The following TANGO2 variants were observed in gnomAD, a reference collection of about 807,000 sequenced individuals.
The protein encoded by TANGO2 is transport and golgi organization 2 homolog, also known as transport and Golgi organization protein 2 homolog.
TANGO2 carries 26 observed loss-of-function variants against 39.1 expected under a neutral mutation model. The ratio of observed to expected loss-of-function variants is 0.67; its 90% CI spans 0.49 to 0.92. The LOEUF is 0.92. Ranked by LOEUF, TANGO2 falls within the 40% of genes least tolerant of loss-of-function variation. The probability of loss-of-function intolerance (pLI) is 0.00; values close to 1 mark genes in which losing one functional copy is unlikely to be tolerated. For synonymous variants in TANGO2, 131 were observed against 144.5 expected (o/e 0.91, Z 0.67); for missense variants, 326 against 360.1 (o/e 0.91, Z 0.77).
chr22:20,064,531 C>T lies in TANGO2; in HGVS notation c.711-11C>T, dbSNP rs201850506. 1 of 1,614,012 alleles carries T rather than the reference C, an allele frequency of 6.2e-7. No homozygotes were observed. The highest frequency in any genetic ancestry group is 8.5e-7 in the Non-Finnish European group (1 of 1,179,942). Reference sequence around the variant, plus strand: ...GACACCAGGTGAACGAGGGCCCCTGCTCTCTTTCAGAACCAACACTATCAT... The same window carrying T: ...GACACCAGGTGAACGAGGGCCCCTGTTCTCTTTCAGAACCAACACTATCAT... On this transcript the variant is annotated splice_polypyrimidine_tract_variant and intron_variant, in intron 8 of 8. Coordinates refer to ENST00000327374, the MANE Select transcript of TANGO2 (RefSeq NM_152906.7).
chr22:20,037,607 G>A (rs1295379610), intron 2 of TANGO2, among the ~76,000 whole-genome samples: 1 of 152,224 alleles, frequency 6.6e-6, no homozygotes, highest in Non-Finnish European at 1.5e-5. Flanking sequence ...TCAAGGCTGA[G>A]TGAAGTCATT....
At chr22:20,055,175 G>A (rs1403378785) in intron 5 of TANGO2, 2 of 152,298 alleles carry the variant, frequency 1.3e-5, no homozygotes, top group Non-Finnish European at 2.9e-5. Context: ...AGGCCACAAA[G>A]AGATCCTCTT....
At chr22:20,037,218 AGCT>A in intron 2 of TANGO2, 1 of 1,153,728 alleles carries the variant, frequency 8.7e-7, no homozygotes, top group Non-Finnish European at 1.2e-6. Flanking sequence ...GGCGGGTCAC[AGCT>A]GCTGGTGAGA....
intron 2 of TANGO2, among the ~76,000 whole-genome samples, chr22:20,042,355 T>A (rs374225): frequency 2.0e-5 from 3 of 151,926 alleles, no homozygotes; most frequent in African/African-American, 7.3e-5. Flanking sequence ...ACTCAGTCAC[T>A]GCTGTGTCCT....
intron 6 of TANGO2, 127 bp downstream of exon 6, chr22:20,056,140 C>G: frequency 1.2e-6 from 1 of 807,382 alleles, no homozygotes; most frequent in Non-Finnish European, 2.1e-6. Flanking sequence ...CATTTAAGTG[C>G]CTTATGGTCT....
At position 20,056,019 on chromosome 22, in the gene TANGO2, C is replaced by T. The variant is rs370402212; in HGVS notation, c.451+6C>T. ...TCCTATCGTTTTGACGCCAGGTGAGCCTGCCCTGGCAGCCTGATGGGGTGG... is the reference window on the plus strand; with the variant it reads ...TCCTATCGTTTTGACGCCAGGTGAGTCTGCCCTGGCAGCCTGATGGGGTGG... On this transcript the variant is annotated splice_donor_region_variant and intron_variant, in intron 6 of 8. Transcript: ENST00000327374. The T allele has an allele frequency of 1.6e-5, 26 of 1,611,658 alleles. No homozygotes were observed. Among genetic ancestry groups the T allele is most frequent in the Non-Finnish European group, 2.1e-5 (25 of 1,177,832 alleles).
chr22:20,026,917 A>G (rs550919208), intron 1 of TANGO2, among the ~76,000 whole-genome samples: 5 of 152,280 alleles, frequency 3.3e-5, no homozygotes, highest in East Asian at 1.9e-4. Context: ...TCTTGCGTCT[A>G]TCCTAGGAAT....
chr22:20,040,153 T>C lies in TANGO2; in HGVS notation c.57-3202T>C, dbSNP rs1012707250. Among the ~76,000 whole-genome samples, 4 of 152,118 alleles carry C rather than the reference T, an allele frequency of 2.6e-5. No homozygotes were observed. The South Asian group carries it at 8.3e-4, about 32-fold the overall frequency. On this transcript the variant is annotated intron_variant, in intron 2 of 8. Coordinates refer to ENST00000327374, the MANE Select transcript of TANGO2 (RefSeq NM_152906.7). ...CTCAGCATGCTGGCTTGTCCCTGAA[T>C]TATGTATTCAATGAAATCCCTGGCA...
Position 20,043,398 on chromosome 22 carries a change from T to G in TANGO2, c.100T>G (p.Ser34Ala). Residue 34 changes from serine (S) to alanine (A), a missense_variant, in exon 3 of 9, where the codon TCC (serine) becomes GCC (alanine). Coordinates refer to ENST00000327374, the MANE Select transcript of TANGO2 (RefSeq NM_152906.7). ...CAGGGATGAATTCTACAGCCGACCCTCCAAGTTAGCTGACTTCTGGGGGAA... is the reference window on the plus strand; with the variant it reads ...CAGGGATGAATTCTACAGCCGACCCGCCAAGTTAGCTGACTTCTGGGGGAA... ...ANRDEFYSRPSKLADFWGNNN... is the reference protein window; with the variant it reads ...ANRDEFYSRPAKLADFWGNNN... 2 of 1,613,660 alleles carry G rather than the reference T, an allele frequency of 1.2e-6. No homozygotes were observed. Among genetic ancestry groups the G allele is most frequent in the Non-Finnish European group, 1.7e-6 (2 of 1,179,676 alleles).
intron 6 of TANGO2, among the ~76,000 whole-genome samples, chr22:20,059,521 T>C (rs2047982779): frequency 6.6e-6 from 1 of 152,230 alleles, no homozygotes; most frequent in African/African-American, 2.4e-5. Flanking sequence ...GGGTTGCAGC[T>C]TCTCTGAATC....
chr22:20,033,171 C>T, intron 1 of TANGO2: 1 of 517,954 alleles, frequency 1.9e-6, no homozygotes. Flanking sequence ...AAGGCAGTTC[C>T]TGATGGTCCC....
chr22:20,028,483 G>A (rs1001287034), intron 1 of TANGO2, among the ~76,000 whole-genome samples: 7 of 152,240 alleles, frequency 4.6e-5, no homozygotes, highest in Admixed American at 1.3e-4. Flanking sequence ...CCTGAGCGAT[G>A]GTATTAACAA....
chr22:20,040,607 CAG>C (rs1321479021), intron 2 of TANGO2, among the ~76,000 whole-genome samples: 1 of 152,202 alleles, frequency 6.6e-6, no homozygotes, highest in Non-Finnish European at 1.5e-5. Context: ...CCATAGCACT[CAG>C]GGACTGCGGT....
chr22:20,025,691 T>G (rs1017131492), intron 1 of TANGO2, among the ~76,000 whole-genome samples: 1 of 152,220 alleles, frequency 6.6e-6, no homozygotes, highest in African/African-American at 2.4e-5. Context: ...CCCTGCTGCC[T>G]CATCACCATG....
chr22:20,045,928 C>T (rs137909552), intron 3 of TANGO2, among the ~76,000 whole-genome samples: 3 of 152,164 alleles, frequency 2.0e-5, no homozygotes, highest in East Asian at 1.9e-4. Flanking sequence ...GTACTTTTCT[C>T]GGTGCCCCTA....
At chr22:20,037,956 G>T (rs987024385) in intron 2 of TANGO2, among the ~76,000 whole-genome samples, 2 of 152,172 alleles carry the variant, frequency 1.3e-5, no homozygotes, top group East Asian at 3.9e-4. Flanking sequence ...GGGCATGGGG[G>T]TGGGCGCCTG....
chr22:20,017,985 C>G (rs1460323672), upstream of TANGO2, among the ~76,000 whole-genome samples: 1 of 152,204 alleles, frequency 6.6e-6, no homozygotes, highest in Non-Finnish European at 1.5e-5. Context: ...ACCAAACTGC[C>G]CACAACCATG....
chr22:20,061,454 G>T, intron 6 of TANGO2, 76 bp from the exon 7 acceptor site: 1 of 1,483,788 alleles, frequency 6.7e-7, no homozygotes, highest in South Asian at 1.3e-5. Context: ...CCCCGTGTTA[G>T]GTGGGTGGCA....
rs2048738313 is a variant in TANGO2 at position 20,063,375 on chromosome 22, G to A, written c.643G>A (p.Glu215Lys). 1 of 1,613,566 alleles carries A rather than the reference G, an allele frequency of 6.2e-7. No homozygotes were observed. The highest frequency in any genetic ancestry group is 1.3e-5 in the African/African-American group (1 of 75,048). ...CCCGGCCATCGAGGACCAGGGTGGG[G>A]AGTACGTGCAGCCCATGCTGAGCAA... The part of the protein sequence containing the change: ...PDPAIEDQGG[E>K]YVQPMLSKYA... Residue 215 changes from glutamate (E) to lysine (K), a missense_variant, in exon 8 of 9, where the codon GAG becomes AAG. Physicochemically the swap from Glu to Lys is moderately conservative, Grantham distance 56. Coordinates refer to ENST00000327374, the MANE Select transcript of TANGO2 (RefSeq NM_152906.7).
Sources: allele counts gnomAD v4.1 joint callset (sites outside exome capture counted in the v4.1 genomes callset), GRCh38; gene constraint gnomAD v4.1.1; transcripts MANE v1.5; gene names NCBI Gene and HGNC (gene_info 2026-07-23, HGNC 2026-07-21).